The following MDGA2 variants were observed in gnomAD, a reference collection of about 807,000 sequenced individuals.
MDGA2 encodes MAM domain containing glycosylphosphatidylinositol anchor 2.
In MDGA2, 40 loss-of-function variants were observed where a neutral mutation model predicts 117.8. That is an observed-to-expected ratio of 0.34 (90% CI 0.26 to 0.44). MDGA2 has a LOEUF of 0.44. Ranked by LOEUF, MDGA2 falls within the 20% of genes least tolerant of loss-of-function variation. The pLI is 1.00. For missense variants in MDGA2, 1,123 were observed against 1,250.6 expected (o/e 0.90, Z 1.54); for synonymous variants, 452 against 439.0 (o/e 1.03, Z -0.37).
At chr14:47,600,693 C>T (rs1035997625) in intron 1 of MDGA2, among the ~76,000 whole-genome samples, 1 of 149,538 alleles carries the variant, frequency 6.7e-6, no homozygotes, top group African/African-American at 2.5e-5. Context: ...TGGTAAACTA[C>T]ACGAGTTGTG....
chr14:47,239,650 C>T (rs1886974558), intron 2 of MDGA2, among the ~76,000 whole-genome samples: 1 of 151,740 alleles, frequency 6.6e-6, no homozygotes, highest in African/African-American at 2.4e-5. Flanking sequence ...GGCTATTTTA[C>T]TATTACATTT....
At chr14:47,200,712 T>G (rs1302345418) in intron 3 of MDGA2, 1 of 924,046 alleles carries the variant, frequency 1.1e-6, no homozygotes, top group Non-Finnish European at 1.7e-6. Context: ...TCCTTCCTCT[T>G]CTCCTGCAGG....
intron 3 of MDGA2, chr14:47,200,970 G>T (rs1594718187): frequency 1.2e-6 from 1 of 831,974 alleles, no homozygotes; most frequent in Non-Finnish European, 2.1e-6. Context: ...TGTAGAAATT[G>T]CCAGAAATGT....
intron 3 of MDGA2, among the ~76,000 whole-genome samples, chr14:47,169,564 T>C (rs17651350): frequency 0.087 from 13,285 of 151,842 alleles, 657 homozygotes; most frequent in Middle Eastern, 0.12. Flanking sequence ...TTTCCAAAAA[T>C]TGTCAACATG....
At chr14:46,856,960 T>C (rs1199739988) in intron 14 of MDGA2, among the ~76,000 whole-genome samples, 1 of 152,136 alleles carries the variant, frequency 6.6e-6, no homozygotes, top group African/African-American at 2.4e-5. Context: ...CAAACTCCCT[T>C]CAGATGTTCC....
intron 10 of MDGA2, 135 bp downstream of exon 10, chr14:46,919,877 T>C (rs566452814): frequency 1.5e-6 from 1 of 654,888 alleles, no homozygotes; most frequent in South Asian, 3.2e-5. Flanking sequence ...AACATATCTA[T>C]CTGTCTATCT....
At chr14:47,022,784 T>G (rs1019294998) in intron 8 of MDGA2, among the ~76,000 whole-genome samples, 41 of 152,276 alleles carry the variant, frequency 2.7e-4, no homozygotes, top group African/African-American at 8.7e-4. Context: ...TGAGTTCAAA[T>G]GTGCATAAGA....
chr14:47,025,394 CTCT>C (rs1240307684), intron 8 of MDGA2, among the ~76,000 whole-genome samples: 2 of 152,098 alleles, frequency 1.3e-5, no homozygotes, highest in African/African-American at 4.8e-5. Context: ...ACTGGCATGT[CTCT>C]TCAAGGACCC....
intron 2 of MDGA2, among the ~76,000 whole-genome samples, chr14:47,226,043 C>T (rs1355153639): frequency 6.6e-6 from 1 of 151,726 alleles, no homozygotes; most frequent in African/African-American, 2.4e-5. Flanking sequence ...TAACTCCAGC[C>T]CTTGGGGAGG....
At chr14:47,539,961 C>T (rs1265022131) in intron 1 of MDGA2, among the ~76,000 whole-genome samples, 1 of 152,170 alleles carries the variant, frequency 6.6e-6, no homozygotes, top group Non-Finnish European at 1.5e-5. Flanking sequence ...TTGGTTTTGC[C>T]CTCTGCTCAG....
At chr14:47,104,009 G>C (rs12589725) in intron 5 of MDGA2, among the ~76,000 whole-genome samples, 8,940 of 152,262 alleles carry the variant, frequency 0.059, 778 homozygotes, top group East Asian at 0.47. Flanking sequence ...CACTCTGCAT[G>C]ACTCTCCTTG....
At chr14:47,624,115 G>A (rs1307779350) in intron 1 of MDGA2, among the ~76,000 whole-genome samples, 1 of 152,150 alleles carries the variant, frequency 6.6e-6, no homozygotes, top group East Asian at 1.9e-4. Flanking sequence ...TGTAAAATAT[G>A]TGCTCACAAC....
At chr14:47,552,517 CTATT>C (rs1421067998) in intron 1 of MDGA2, among the ~76,000 whole-genome samples, 23 of 152,118 alleles carry the variant, frequency 1.5e-4, no homozygotes, top group African/African-American at 5.6e-4. Context: ...TCAGCAAATC[CTATT>C]TATTATAATG....
At chr14:46,947,561 T>C (rs1332785041) in intron 9 of MDGA2, among the ~76,000 whole-genome samples, 1 of 151,928 alleles carries the variant, frequency 6.6e-6, no homozygotes, top group Admixed American at 6.6e-5. Flanking sequence ...TGGGGGCAAG[T>C]CTTTCCCATG....
At chr14:47,289,322 C>CACACACAA (rs1393977958) in intron 2 of MDGA2, among the ~76,000 whole-genome samples, 1 of 150,658 alleles carries the variant, frequency 6.6e-6, no homozygotes. Flanking sequence ...CACACACACA[C>CACACACAA]ACACACACAC....
At chr14:47,660,109 G>T (rs184913925) in intron 1 of MDGA2, among the ~76,000 whole-genome samples, 126 of 152,046 alleles carry the variant, frequency 8.3e-4, no homozygotes, top group Admixed American at 3.1e-3. Context: ...CAGAATTAAT[G>T]AATTGCCAAT....
intron 10 of MDGA2, among the ~76,000 whole-genome samples, chr14:46,911,113 T>A (rs1883684510): frequency 1.3e-5 from 2 of 152,162 alleles, no homozygotes; most frequent in Admixed American, 1.3e-4. Context: ...TTTACCCATA[T>A]AACAAACTTG....
At chr14:47,308,324 T>A (rs1889522622) in intron 1 of MDGA2, among the ~76,000 whole-genome samples, 1 of 152,152 alleles carries the variant, frequency 6.6e-6, no homozygotes. Flanking sequence ...ATTTTAGGAC[T>A]GCAAAGAATA....
At chr14:47,274,790 T>G (rs958943632) in intron 2 of MDGA2, among the ~76,000 whole-genome samples, 1 of 152,128 alleles carries the variant, frequency 6.6e-6, no homozygotes, top group Non-Finnish European at 1.5e-5. Context: ...CCTTGTAGGT[T>G]TAATTTGCAT....
Sources: allele counts gnomAD v4.1 joint callset (sites outside exome capture counted in the v4.1 genomes callset), GRCh38; gene constraint gnomAD v4.1.1; transcripts MANE v1.5; gene names NCBI Gene and HGNC (gene_info 2026-07-23, HGNC 2026-07-21).